Variants in PLCB4 observed in about 807,000 individuals in gnomAD.
PLCB4 encodes 1-phosphatidylinositol 4,5-bisphosphate phosphodiesterase beta-4.
In PLCB4, 77 loss-of-function variants were observed where a neutral mutation model predicts 178.8. The observed-to-expected ratio is 0.43, with a 90% CI of 0.36 to 0.52. The LOEUF (loss-of-function observed/expected upper bound fraction) is 0.52, where lower values mean the gene tolerates loss of function less well. Among genes scored for constraint, PLCB4 ranks in the 20% least tolerant of loss-of-function variants. The pLI is 0.00. For synonymous variants in PLCB4, 496 were observed against 490.8 expected (o/e 1.01, Z -0.14); for missense variants, 1,024 against 1,453.4 (o/e 0.70, Z 4.80).
intron 3 of PLCB4, among the ~76,000 whole-genome samples, chr20:9,257,834 A>G (rs1693903398): frequency 6.6e-6 from 1 of 152,230 alleles, no homozygotes; most frequent in Non-Finnish European, 1.5e-5. Flanking sequence ...CAGAGAAGAG[A>G]TGGAACTTTA....
At chr20:9,169,292 T>C (rs951130857) in intron 2 of PLCB4, among the ~76,000 whole-genome samples, 1 of 152,070 alleles carries the variant, frequency 6.6e-6, no homozygotes, top group Non-Finnish European at 1.5e-5. Flanking sequence ...TTGTGAGATA[T>C]GTGTCTTGAG....
At chr20:9,433,848 G>A (rs2041589516) in intron 28 of PLCB4, among the ~76,000 whole-genome samples, 1 of 152,034 alleles carries the variant, frequency 6.6e-6, no homozygotes, top group African/African-American at 2.4e-5. Context: ...AGGGATCATG[G>A]GTGATAAAAA....
chr20:9,187,609 T>C (rs1362013173), intron 2 of PLCB4, among the ~76,000 whole-genome samples: 1 of 152,218 alleles, frequency 6.6e-6, no homozygotes, highest in Non-Finnish European at 1.5e-5. Flanking sequence ...ACATTACTGG[T>C]TGAATGGGCT....
At chr20:9,145,837 C>T (rs2092588639) in intron 2 of PLCB4, among the ~76,000 whole-genome samples, 1 of 151,940 alleles carries the variant, frequency 6.6e-6, no homozygotes, top group Admixed American at 6.6e-5. Flanking sequence ...GGGGAGAGGT[C>T]TTGTGACCTG....
At chr20:9,406,170 A>G (rs973167385) in intron 21 of PLCB4, among the ~76,000 whole-genome samples, 18 of 152,244 alleles carry the variant, frequency 1.2e-4, no homozygotes, top group African/African-American at 3.1e-4. Context: ...CAAGGCATCA[A>G]TCTTCTCATG....
chr20:9,237,215 A>G (rs1450241432), intron 3 of PLCB4, among the ~76,000 whole-genome samples: 4 of 152,192 alleles, frequency 2.6e-5, no homozygotes, highest in Non-Finnish European at 5.9e-5. Flanking sequence ...GGATACCCAT[A>G]TCACCACTTC....
chr20:9,381,933 C>T, intron 13 of PLCB4, among the ~76,000 whole-genome samples: 1 of 152,182 alleles, frequency 6.6e-6, no homozygotes, highest in East Asian at 1.9e-4. Context: ...TACCTGAGCT[C>T]ATCCAAGCCA....
intron 2 of PLCB4, among the ~76,000 whole-genome samples, chr20:9,110,723 G>C (rs916204597): frequency 8.5e-5 from 13 of 152,138 alleles, no homozygotes; most frequent in Non-Finnish European, 1.6e-4. Flanking sequence ...CTCCAACTTA[G>C]TGTGTTGGCA....
intron 20 of PLCB4, 34 bp downstream of exon 20, chr20:9,401,624 G>C (rs764781261): frequency 2.2e-6 from 3 of 1,372,268 alleles, no homozygotes; most frequent in African/African-American, 2.9e-5. Flanking sequence ...ACTCTCAAGA[G>C]GTAGCAGCTG....
chr20:9,472,261 C>T (rs2044242259), intron 36 of PLCB4, among the ~76,000 whole-genome samples: 1 of 152,174 alleles, frequency 6.6e-6, no homozygotes, highest in South Asian at 2.1e-4. Flanking sequence ...ACTAGAAATT[C>T]AGACCTCCCA....
chr20:9,409,445 A>G (rs2039702332), intron 24 of PLCB4, among the ~76,000 whole-genome samples: 1 of 152,030 alleles, frequency 6.6e-6, no homozygotes, highest in Non-Finnish European at 1.5e-5. Flanking sequence ...ATTATCCCAT[A>G]TTCCAAAATA....
intron 21 of PLCB4, among the ~76,000 whole-genome samples, chr20:9,406,097 G>A (rs541287283): frequency 6.6e-6 from 1 of 152,038 alleles, no homozygotes; most frequent in Admixed American, 6.5e-5. Flanking sequence ...TCATAATTTG[G>A]GTCAACAGTA....
chr20:9,198,741 A>T (rs1219831320), intron 2 of PLCB4, among the ~76,000 whole-genome samples: 2 of 152,224 alleles, frequency 1.3e-5, no homozygotes, highest in African/African-American at 2.4e-5. Context: ...TCCTTAGATT[A>T]TCTCAGTTCC....
chr20:9,131,319 C>T (rs1319160329), intron 2 of PLCB4, among the ~76,000 whole-genome samples: 1 of 152,010 alleles, frequency 6.6e-6, no homozygotes, highest in Non-Finnish European at 1.5e-5. Flanking sequence ...TTCTTTTCCT[C>T]CCTCCTTCTG....
At position 9,116,215 on chromosome 20, in the gene PLCB4, T is replaced by C. The variant is rs911834210; in HGVS notation, c.-79+19873T>C. ...AAATTTAAAGTTATGAAAATATTAG[T>C]GCCCAGTTCAATTCCCCTCACTCCA... On this transcript the variant is annotated intron_variant, in intron 2 of 39. Transcript: ENST00000378473. Among the ~76,000 whole-genome samples, 4 of 152,050 alleles carry C rather than the reference T, an allele frequency of 2.6e-5. No homozygotes were observed. In the East Asian group the frequency reaches 7.7e-4, roughly 29 times the overall value.
chr20:9,097,924 A>G (rs1472847261), intron 2 of PLCB4, among the ~76,000 whole-genome samples: 1 of 152,186 alleles, frequency 6.6e-6, no homozygotes, highest in Non-Finnish European at 1.5e-5. Flanking sequence ...TGTTCGGCCC[A>G]TTTAAGATAA....
At chr20:9,407,194 T>G (rs1490968257) in intron 21 of PLCB4, among the ~76,000 whole-genome samples, 1 of 152,148 alleles carries the variant, frequency 6.6e-6, no homozygotes, top group Non-Finnish European at 1.5e-5. Context: ...CAGACTCACT[T>G]CAACAGAAAC....
intron 2 of PLCB4, among the ~76,000 whole-genome samples, chr20:9,110,084 A>G (rs978985754): frequency 5.3e-5 from 8 of 152,306 alleles, no homozygotes; most frequent in Admixed American, 1.3e-4. Flanking sequence ...TTTACTAAAC[A>G]GTACTCAACT....
intron 3 of PLCB4, among the ~76,000 whole-genome samples, chr20:9,263,814 A>G (rs1304469925): frequency 1.3e-5 from 2 of 152,182 alleles, no homozygotes; most frequent in Non-Finnish European, 2.9e-5. Flanking sequence ...TGTCCATCTT[A>G]TTGTGTATTG....
Sources: gnomAD v4.1 joint callset for allele counts (sites outside exome capture counted in the v4.1 genomes callset) on GRCh38, gnomAD v4.1.1 for gene constraint, MANE v1.5 for transcripts, NCBI Gene and HGNC (gene_info 2026-07-23, HGNC 2026-07-21) for gene names.